The following TASP1 variants were observed in gnomAD, a reference collection of about 807,000 sequenced individuals.
The protein encoded by TASP1 is threonine aspartase 1.
In TASP1, 16 loss-of-function variants were observed where a neutral mutation model predicts 56.6. The observed-to-expected ratio is 0.28, with a 90% CI of 0.19 to 0.43. The LOEUF (loss-of-function observed/expected upper bound fraction) is 0.43. Ranked by LOEUF, TASP1 falls within the 20% of genes least tolerant of loss-of-function variation. TASP1 has a pLI of 1.00. For missense variants in TASP1, 393 were observed against 511.6 expected (o/e 0.77, Z 2.24); for synonymous variants, 179 against 184.2 (o/e 0.97, Z 0.23).
At chr20:13,393,158 A>T in intron 13 of TASP1, 1 of 670,382 alleles carries the variant, frequency 1.5e-6, no homozygotes, top group South Asian at 1.4e-5. Context: ...CCCTGGCCAA[A>T]GCCATCTATG....
the TASP1 span, among the ~76,000 whole-genome samples, chr20:13,229,882 G>A: frequency 6.6e-6 from 1 of 151,988 alleles, no homozygotes; most frequent in Non-Finnish European, 1.5e-5. Flanking sequence ...TTCTGTTGTG[G>A]ATTGACTCAT....
intron 13 of TASP1, among the ~76,000 whole-genome samples, chr20:13,412,205 A>G (rs2042115760): frequency 6.6e-6 from 1 of 152,126 alleles, no homozygotes; most frequent in Non-Finnish European, 1.5e-5. Context: ...GGAGTGTCTC[A>G]GGATTTTAAT....
chr20:13,275,356 CT>C, the TASP1 span, among the ~76,000 whole-genome samples: 1 of 152,120 alleles, frequency 6.6e-6, no homozygotes, highest in African/African-American at 2.4e-5. Flanking sequence ...TCCTTTTTCT[CT>C]AAAATACTTT....
the TASP1 span, among the ~76,000 whole-genome samples, chr20:13,225,209 C>T: frequency 9.2e-5 from 14 of 152,134 alleles, no homozygotes; most frequent in African/African-American, 3.4e-4. Flanking sequence ...TATCATTATC[C>T]CTGTTTCAAA....
chr20:13,236,498 T>C, the TASP1 span, among the ~76,000 whole-genome samples: 4 of 152,132 alleles, frequency 2.6e-5, no homozygotes, highest in African/African-American at 9.7e-5. Flanking sequence ...TTTCATGTCC[T>C]AACATTTCAA....
At chr20:13,223,101 G>C in the TASP1 span, among the ~76,000 whole-genome samples, 1 of 151,400 alleles carries the variant, frequency 6.6e-6, no homozygotes, top group Non-Finnish European at 1.5e-5. Context: ...AGGTTGTAGT[G>C]AGCTGAGATC....
the TASP1 span, among the ~76,000 whole-genome samples, chr20:13,198,937 G>T: frequency 7.0e-6 from 1 of 143,002 alleles, no homozygotes; most frequent in Non-Finnish European, 1.5e-5. Context: ...ACAAGATCTT[G>T]CTCTGTCACC....
intron 8 of TASP1, among the ~76,000 whole-genome samples, chr20:13,552,768 A>C (rs2046021928): frequency 6.6e-6 from 1 of 152,238 alleles, no homozygotes; most frequent in African/African-American, 2.4e-5. Flanking sequence ...GGAGGCAAGT[A>C]CTGTTCAAAT....
At chr20:13,524,085 G>T (rs1024371475) in intron 10 of TASP1, among the ~76,000 whole-genome samples, 4 of 151,964 alleles carry the variant, frequency 2.6e-5, no homozygotes, top group Non-Finnish European at 5.9e-5. Context: ...GGAGTCCAAG[G>T]TTGCAATGAG....
the TASP1 span, among the ~76,000 whole-genome samples, chr20:13,183,934 C>T: frequency 2.7e-5 from 4 of 149,244 alleles, no homozygotes; most frequent in Non-Finnish European, 5.9e-5. Flanking sequence ...GAGGCTGAGG[C>T]GGGAGAATGG....
At chr20:13,376,740 C>G in the TASP1 span, among the ~76,000 whole-genome samples, 2 of 152,176 alleles carry the variant, frequency 1.3e-5, no homozygotes, top group African/African-American at 4.8e-5. Context: ...TGTTTGTGTC[C>G]TCTCTTATTT....
intron 13 of TASP1, among the ~76,000 whole-genome samples, chr20:13,394,160 T>G (rs1217279458): frequency 3.3e-5 from 5 of 150,352 alleles, no homozygotes; most frequent in Admixed American, 3.3e-4. Context: ...GGTGCATGCC[T>G]GTAATCCCAG....
In TASP1 at chr20:13,434,382, C is replaced by T. The variant is rs575307816; in HGVS notation, c.1096+662G>A. ...TAGAAAAAGGCAACCCTGTGGTCAG[C>T]GGCAGCCCCACAACTCTGTGCCTTC... On this transcript the variant is annotated intron_variant, in intron 12 of 13. Coordinates refer to ENST00000337743, the MANE Select transcript of TASP1 (RefSeq NM_017714.3). Among the ~76,000 whole-genome samples the T allele has an allele frequency of 3.3e-5, 5 of 152,268 alleles. No individual in the cohort carries two copies. The South Asian group carries it at 8.3e-4, about 25-fold the overall frequency.
intron 8 of TASP1, among the ~76,000 whole-genome samples, chr20:13,552,580 G>T (rs1441636447): frequency 6.6e-6 from 1 of 152,162 alleles, no homozygotes; most frequent in Admixed American, 6.5e-5. Context: ...GGATGAAGAT[G>T]TCCCAGAGGA....
chr20:13,636,980 G>A (rs186030263), intron 1 of TASP1, among the ~76,000 whole-genome samples: 227 of 152,230 alleles, frequency 1.5e-3, no homozygotes, highest in Non-Finnish European at 1.8e-3. Flanking sequence ...GGGAGAAAAC[G>A]CAAGAAAATA....
the TASP1 span, among the ~76,000 whole-genome samples, chr20:13,352,758 A>G: frequency 2.0e-5 from 3 of 152,200 alleles, no homozygotes; most frequent in African/African-American, 7.2e-5. Context: ...GAACCATTGA[A>G]CCAGTGTTTT....
chr20:13,277,329 A>T, the TASP1 span, among the ~76,000 whole-genome samples: 36 of 152,174 alleles, frequency 2.4e-4, no homozygotes, highest in Non-Finnish European at 4.3e-4. Flanking sequence ...TTTCATTACC[A>T]TAATTGTGGG....
the TASP1 span, among the ~76,000 whole-genome samples, chr20:13,112,464 C>T: frequency 1.3e-5 from 2 of 152,194 alleles, no homozygotes; most frequent in South Asian, 2.1e-4. Context: ...GGCTCAAGTA[C>T]ATCATGAGGC....
the TASP1 span, among the ~76,000 whole-genome samples, chr20:13,226,556 T>C: frequency 6.6e-5 from 10 of 152,270 alleles, no homozygotes; most frequent in African/African-American, 2.2e-4. Flanking sequence ...CTCAGCTGAG[T>C]GGTTCTTCTG....
Sources: allele counts gnomAD v4.1 joint callset (sites outside exome capture counted in the v4.1 genomes callset), GRCh38; gene constraint gnomAD v4.1.1; transcripts MANE v1.5; gene names NCBI Gene and HGNC (gene_info 2026-07-23, HGNC 2026-07-21).